The following POLR2F variants were observed in gnomAD, a reference collection of about 807,000 sequenced individuals.
POLR2F encodes DNA-directed RNA polymerases I, II, and III subunit RPABC2.
POLR2F carries 12 observed loss-of-function variants against 22.7 expected under a neutral mutation model. That is an observed-to-expected ratio of 0.53 (90% confidence interval 0.34 to 0.86). POLR2F has a LOEUF of 0.86. Among genes scored for constraint, POLR2F ranks in the 40% least tolerant of loss-of-function variants. The pLI is 0.02. For synonymous variants in POLR2F, 57 were observed against 66.0 expected, an observed-to-expected ratio of 0.86 and a Z score of 0.66; for missense variants, 126 against 171.5, an observed-to-expected ratio of 0.73 and a Z score of 1.48.
chr22:37,968,493 T>A lies in POLR2F; in HGVS notation c.*778T>A. 2.0e-6 allele frequency: 2 copies of A among 986,036 alleles called. No homozygotes were observed. The highest frequency in any genetic ancestry group is 2.4e-6 in the Non-Finnish European group (2 of 830,408). 61.1% of individuals were successfully genotyped at this position (986,036 alleles called of 1,614,324 possible). ...CCCTGAGGCCTTGGGGACATGGTGCTGGGGTGGTGGTGCTCCTGGGTTCCA... is the reference window on the plus strand; with the variant it reads ...CCCTGAGGCCTTGGGGACATGGTGCAGGGGTGGTGGTGCTCCTGGGTTCCA... On this transcript the variant is annotated 3_prime_UTR_variant, in exon 5 of 5. Coordinates refer to ENST00000442738, the MANE Select transcript of POLR2F (RefSeq NM_021974.5).
upstream of POLR2F, among the ~76,000 whole-genome samples, chr22:37,985,827 A>G (rs1223305177): frequency 2.0e-5 from 3 of 147,970 alleles, no homozygotes; most frequent in Non-Finnish European, 4.5e-5. Flanking sequence ...GAACACACAC[A>G]CACACACACA....
chr22:38,002,065 G>A (rs948375165), intron 1 of POLR2F, among the ~76,000 whole-genome samples: 1 of 151,828 alleles, frequency 6.6e-6, no homozygotes, highest in Non-Finnish European at 1.5e-5. Flanking sequence ...GGTCAGGCTG[G>A]TCCCAAACTC....
At chr22:38,030,594 T>C (rs2085055351), downstream of POLR2F, among the ~76,000 whole-genome samples, 1 of 152,122 alleles carries the variant, frequency 6.6e-6, no homozygotes, top group African/African-American at 2.4e-5. Context: ...AGCCCGAGGA[T>C]AGAAAAGTAC....
chr22:38,020,691 A>G, intron 1 of POLR2F, among the ~76,000 whole-genome samples: 1 of 151,832 alleles, frequency 6.6e-6, no homozygotes, highest in Non-Finnish European at 1.5e-5. Flanking sequence ...GCAGTGAGCT[A>G]TAATCATGCC....
rs2084914229 is a variant in POLR2F at position 38,016,221 on chromosome 22, GTCA to G, written c.121-9640_121-9638del. Reference sequence around the variant, plus strand: ...AGGCACAGCTGGGCCAAAGCCTGGGGTCATCATCATGTAGACCCAAAGTGGGCT... The same window carrying G: ...AGGCACAGCTGGGCCAAAGCCTGGGGTCATCATGTAGACCCAAAGTGGGCT... On this transcript the variant is annotated intron_variant, in intron 1 of 2. Transcript: ENST00000333418. The surrounding 1 kb of genome is among the most constrained non-coding windows in gnomAD (Gnocchi z 4.4). Among the ~76,000 whole-genome samples, 5 of 152,188 alleles carry G rather than the reference GTCA, an allele frequency of 3.3e-5. No individual in the cohort carries two copies. The highest frequency in any genetic ancestry group is 2.6e-4 in the Admixed American group (4 of 15,276).
intron 4 of POLR2F, among the ~76,000 whole-genome samples, chr22:37,975,262 G>C (rs1932188004): frequency 2.0e-5 from 3 of 152,186 alleles, no homozygotes; most frequent in Non-Finnish European, 4.4e-5. Context: ...TAGATCCATA[G>C]ATCCACATGC....
intron 1 of POLR2F, among the ~76,000 whole-genome samples, chr22:38,004,185 G>A (rs1344141254): frequency 1.3e-5 from 2 of 151,658 alleles, no homozygotes; most frequent in African/African-American, 2.4e-5. Flanking sequence ...ATGTGGGGGG[G>A]GTCTCACTAT....
Position 37,976,590 on chromosome 22 carries a change from C to T in POLR2F, c.293+9420C>T, listed in dbSNP as rs569252609. Among the ~76,000 whole-genome samples, 49 of 152,306 alleles carry T rather than the reference C, an allele frequency of 3.2e-4. 1 individual carries two copies. The highest frequency in any genetic ancestry group is 6.8e-3 in the Middle Eastern group (2 of 294). On this transcript the variant is annotated intron_variant, in intron 4 of 4. Transcript: ENST00000405557. ...TGTCACTTTCTGTACATTAGGAACA[C>T]AGGCAAGGCAGCTGTGGTGCCAAGC... is the stretch of plus-strand genomic sequence containing the variant.
intron 1 of POLR2F, among the ~76,000 whole-genome samples, chr22:38,003,813 G>A (rs974932929): frequency 6.6e-6 from 1 of 152,050 alleles, no homozygotes; most frequent in Non-Finnish European, 1.5e-5. Flanking sequence ...CTGACCTCAG[G>A]TGATTCACCT....
Position 37,956,860 on chromosome 22 carries a change from G to A in POLR2F, c.90+18G>A, listed in dbSNP as rs746852917. The A allele has an allele frequency of 6.3e-7, 1 of 1,596,388 alleles. No individual in the cohort carries two copies. Among genetic ancestry groups the A allele is most frequent in the Admixed American group, 1.7e-5 (1 of 60,016 alleles). On this transcript the variant is annotated intron_variant, in intron 2 of 4. Coordinates refer to ENST00000442738, the MANE Select transcript of POLR2F (RefSeq NM_021974.5). ...CCGAAGAGGTCAGTATTCAGCCTCA[G>A]GCTCCCACCTCTGCAGCCCAAGCTG...
chr22:37,983,692 T>G (rs1932477174), upstream of POLR2F: 1 of 1,534,576 alleles, frequency 6.5e-7, no homozygotes, highest in South Asian at 1.2e-5. This position sits in a 1 kb window ranked among gnomAD's most constrained non-coding sequence, Gnocchi z 9.5. Flanking sequence ...CGTCGGGCCC[T>G]AGCGAGGGCG....
chr22:38,024,822 AGT>A (rs2084992734), intron 1 of POLR2F, among the ~76,000 whole-genome samples: 1 of 152,068 alleles, frequency 6.6e-6, no homozygotes, highest in South Asian at 2.1e-4. Flanking sequence ...CTGCTCCTAC[AGT>A]GTAGGCAGGA....
In POLR2F at chr22:38,018,205, C is replaced by T. The variant is rs574266893; in HGVS notation, c.121-7664C>T. Among the ~76,000 whole-genome samples the T allele has an allele frequency of 1.5e-3, 234 of 152,292 alleles. 1 individual carries two copies. Among genetic ancestry groups the T allele is most frequent in the Non-Finnish European group, 3.0e-3 (203 of 68,022 alleles). On this transcript the variant is annotated intron_variant, in intron 1 of 2. Coordinates refer to the POLR2F transcript ENST00000333418. ...CGTTCATTCTGGGAGAGGGCGAAGG[C>T]TCAGTCTGAAGTCAAGATCAGGGCT...
In POLR2F at chr22:38,024,343, G is replaced by A. The variant is rs7287995; in HGVS notation, c.121-1526G>A. On this transcript the variant is annotated intron_variant, in intron 1 of 2. Transcript: ENST00000333418. ...ACATTTTGTTTATTCATTTATTGAT[G>A]GACATTTGGGTTGTTTCTACTTTGG... is the stretch of plus-strand genomic sequence containing the variant. Among the ~76,000 whole-genome samples the A allele has an allele frequency of 3.6e-3, 541 of 152,200 alleles. 2 individuals are homozygous for A. Among genetic ancestry groups the A allele is most frequent in the African/African-American group, 0.012 (495 of 41,504 alleles).
rs963795728 is a variant in POLR2F, at chr22:37,953,717, G to A, written c.-71G>A. On this transcript the variant is annotated 5_prime_UTR_variant, in exon 1 of 5. Coordinates refer to ENST00000442738, the MANE Select transcript of POLR2F (RefSeq NM_021974.5). ...GCAAGATAAGCTAGGAGCCGCGCGA[G>A]TCGTAGTGTCGCTGTTTGCGGGTCT... 35 of 1,560,184 alleles carry A rather than the reference G, an allele frequency of 2.2e-5. No homozygotes were observed. Among genetic ancestry groups the A allele is most frequent in the Non-Finnish European group, 2.9e-5 (33 of 1,152,556 alleles).
At chr22:37,977,948 G>A (rs1932272568) in intron 4 of POLR2F, 1 of 1,612,642 alleles carries the variant, frequency 6.2e-7, no homozygotes, top group East Asian at 2.2e-5. Context: ...CTCTTGTAGT[G>A]GGCCTGGATG....
intron 1 of POLR2F, among the ~76,000 whole-genome samples, chr22:37,989,210 T>C (rs574129140): frequency 1.3e-5 from 2 of 152,308 alleles, no homozygotes; most frequent in Admixed American, 1.3e-4. Context: ...CTTTTGCATA[T>C]GTACGATGTT....
chr22:38,014,122 CA>C (rs918824276), intron 1 of POLR2F, among the ~76,000 whole-genome samples: 7,255 of 60,262 alleles, frequency 0.12, 160 homozygotes, highest in East Asian at 0.18. Flanking sequence ...AACTCTGTCT[CA>C]AAAAAAAAAA....
downstream of POLR2F, chr22:37,972,316 C>T (rs749495956): frequency 4.5e-5 from 50 of 1,109,756 alleles, no homozygotes; most frequent in Non-Finnish European, 5.7e-5. Flanking sequence ...AGCAGGTAAC[C>T]GGAACCTTTA....
Sources: allele counts gnomAD v4.1 joint callset (sites outside exome capture counted in the v4.1 genomes callset), GRCh38; gene constraint gnomAD v4.1.1; non-coding constraint Gnocchi (gnomAD v3.1); transcripts MANE v1.5; gene names NCBI Gene and HGNC (gene_info 2026-07-23, HGNC 2026-07-21).